The following PDZD2 variants were observed in gnomAD, a reference collection of about 807,000 sequenced individuals.
The protein encoded by PDZD2 is PDZ domain containing 2, also known as PDZ domain-containing protein 2.
PDZD2 carries 90 observed loss-of-function variants against 220.7 expected under a neutral mutation model. The ratio of observed to expected loss-of-function variants is 0.41; its 90% confidence interval spans 0.34 to 0.49. The LOEUF (loss-of-function observed/expected upper bound fraction) is 0.49, where lower values mean the gene tolerates loss of function less well. PDZD2 is among the 20% of genes least tolerant of loss of function. The pLI, the probability that PDZD2 is intolerant of heterozygous loss-of-function variation, is 0.28. For synonymous variants in PDZD2, 1,375 were observed against 1,450.5 expected, an observed-to-expected ratio of 0.95 and a Z score of 1.18; for missense variants, 3,174 against 3,608.5, an observed-to-expected ratio of 0.88 and a Z score of 3.08.
intron 7 of PDZD2, 145 bp from the exon 8 acceptor site, chr5:32,048,394 T>C: frequency 3.1e-6 from 2 of 654,716 alleles, no homozygotes; most frequent in Non-Finnish European, 5.3e-6. Flanking sequence ...TAGGATGGGC[T>C]AGGCTCTGTG....
intron 2 of PDZD2, among the ~76,000 whole-genome samples, chr5:31,958,547 A>G (rs1170904828): frequency 6.6e-6 from 1 of 151,878 alleles, no homozygotes; most frequent in Non-Finnish European, 1.5e-5. Context: ...GAGCCACCAC[A>G]GCTGGCTTAT....
chr5:31,648,640 C>T (rs1443325281), intron 1 of PDZD2, among the ~76,000 whole-genome samples: 4 of 152,122 alleles, frequency 2.6e-5, no homozygotes, highest in Non-Finnish European at 5.9e-5. Context: ...TCCTTTTCCT[C>T]CGAGCAGCCA....
At chr5:31,783,474 G>A (rs903514130) in intron 1 of PDZD2, among the ~76,000 whole-genome samples, 13 of 152,198 alleles carry the variant, frequency 8.5e-5, no homozygotes. Flanking sequence ...ATTTCAAGTT[G>A]AGAACAAGTC....
intron 1 of PDZD2, among the ~76,000 whole-genome samples, chr5:31,712,285 A>T (rs898755662): frequency 3.9e-5 from 6 of 152,100 alleles, no homozygotes; most frequent in African/African-American, 1.4e-4. Context: ...GAATTTGGGG[A>T]GAATTTGGTG....
rs143526859 is a variant in PDZD2 at position 32,010,354 on chromosome 5, A to G, written c.1279A>G (p.Arg427Gly). The change falls in exon 6 of 25, where the codon AGG becomes GGG. Residue 427 changes from arginine (R) to glycine (G), a missense_variant. Around this residue, in one of 4 missense-constraint regions of PDZD2, gnomAD observed 632 missense variants for 708.1 expected, o/e 0.89. Transcript: ENST00000438447. Reference protein sequence around the residue: ...SKENSAEDLLRLTSKSLPDLT... With the variant: ...SKENSAEDLLGLTSKSLPDLT... ...GGAAAACTCCGCAGAGGACCTCCTC[A>G]GGTTAACATCTAAGAGCTTGCCAGA... 5.0e-6 allele frequency: 8 copies of G among 1,606,978 alleles called. No homozygotes were observed. Among genetic ancestry groups the G allele is most frequent in the Middle Eastern group, 1.7e-4 (1 of 6,058 alleles).
In PDZD2 at chr5:32,074,555, A is replaced by G. The variant is rs778965353; in HGVS notation, c.3449A>G (p.Asn1150Ser). 1.2e-6 allele frequency: 2 copies of G among 1,614,044 alleles called. No homozygotes were observed. The highest frequency in any genetic ancestry group is 1.1e-5 in the South Asian group (1 of 91,080). Reference protein sequence around the residue: ...SQTVNLTGRANDPCDLDSRVQ... With the variant: ...SQTVNLTGRASDPCDLDSRVQ... The stretch of plus-strand genomic sequence containing the variant: ...ACAGTGAACCTGACTGGCAGAGCCA[A>G]TGATCCATGCGATCTGGACTCGAGA... Residue 1150 changes from asparagine (N) to serine (S), a missense_variant, in exon 18 of 25, where the codon AAT becomes AGT. Around this residue, in one of 4 missense-constraint regions of PDZD2, gnomAD observed 1,861 missense variants for 2,001.0 expected, o/e 0.93. Coordinates refer to ENST00000438447, the MANE Select transcript of PDZD2 (RefSeq NM_178140.4).
chr5:31,949,255 G>A (rs1193962770), intron 2 of PDZD2, among the ~76,000 whole-genome samples: 2 of 151,874 alleles, frequency 1.3e-5, no homozygotes, highest in Non-Finnish European at 1.5e-5. Context: ...ACCAACGTTA[G>A]GAAGTATGCA....
At position 32,088,581 on chromosome 5, in the gene PDZD2, G is replaced by A. The variant is rs1433787534; in HGVS notation, c.5133G>A (p.Leu1711=). ...SASSAMENSP[L]SKVARHFHSP... is the part of the protein sequence containing the mutation. ...GCTCAGCCATGGAAAACAGTCCGCT[G>A]TCTAAAGTAGCCAGGCATTTTCACA... Residue 1711 remains leucine, a synonymous_variant, in exon 20 of 25, where the codon CTG becomes CTA. Transcript: ENST00000438447. This position sits in a 1 kb window ranked among gnomAD's most constrained non-coding sequence, Gnocchi z 4.6. The A allele has an allele frequency of 1.2e-6, 2 of 1,614,174 alleles. No individual in the cohort carries two copies. The highest frequency in any genetic ancestry group is 2.2e-5 in the South Asian group (2 of 91,078).
chr5:31,776,342 C>CTGAG (rs1752642918), intron 1 of PDZD2, among the ~76,000 whole-genome samples: 1 of 152,144 alleles, frequency 6.6e-6, no homozygotes, highest in East Asian at 1.9e-4. Flanking sequence ...TGGATCCCAT[C>CTGAG]TGAGCTATGA....
chr5:31,820,156 T>A (rs1310226043), intron 2 of PDZD2, among the ~76,000 whole-genome samples: 2 of 152,226 alleles, frequency 1.3e-5, no homozygotes, highest in Non-Finnish European at 2.9e-5. Flanking sequence ...ATACTTGATA[T>A]GACTGGATGT....
chr5:31,907,783 G>A (rs1742789022), intron 2 of PDZD2, among the ~76,000 whole-genome samples: 1 of 152,094 alleles, frequency 6.6e-6, no homozygotes, highest in African/African-American at 2.4e-5. Flanking sequence ...TTAAATGAAG[G>A]CATAAGAAAA....
intron 1 of PDZD2, among the ~76,000 whole-genome samples, chr5:31,687,890 G>A (rs749650284): frequency 3.9e-5 from 6 of 152,042 alleles, no homozygotes; most frequent in Non-Finnish European, 8.8e-5. Context: ...CCTTCTTCTT[G>A]TCCCTGCCTC....
Position 32,089,566 on chromosome 5 carries a change from G to T in PDZD2, c.6118G>T (p.Ala2040Ser), listed in dbSNP as rs1180601395. ...TGACTCCGGGCCGGTGAGTCCGGCA[G>T]CGTCTAGGAACGGCATGTCCGTGGC... ...RADSGPVSPA[A>S]SRNGMSVAGN... Residue 2040 changes from alanine to serine, a missense_variant, in exon 20 of 25, where the codon GCG (alanine) becomes TCG (serine). Physicochemically the swap from Ala to Ser is moderately conservative, Grantham distance 99. Coordinates refer to ENST00000438447, the MANE Select transcript of PDZD2 (RefSeq NM_178140.4). 1 of 1,612,302 alleles carries T rather than the reference G, an allele frequency of 6.2e-7. No individual in the cohort carries two copies. The highest frequency in any genetic ancestry group is 8.5e-7 in the Non-Finnish European group (1 of 1,180,040).
chr5:31,681,280 CTTG>C (rs1336767940), intron 1 of PDZD2, among the ~76,000 whole-genome samples: 1 of 152,192 alleles, frequency 6.6e-6, no homozygotes, highest in East Asian at 1.9e-4. Context: ...AGAGTCTCAC[CTTG>C]TTGTCCTGGC....
chr5:32,014,214 C>G (rs1753550959), intron 6 of PDZD2, among the ~76,000 whole-genome samples: 1 of 152,216 alleles, frequency 6.6e-6, no homozygotes. Context: ...CCGCCAAATT[C>G]TAGCCAGACA....
At chr5:32,014,892 A>G (rs1470890860) in intron 6 of PDZD2, among the ~76,000 whole-genome samples, 3 of 147,182 alleles carry the variant, frequency 2.0e-5, no homozygotes, top group African/African-American at 7.6e-5. Flanking sequence ...TATTTTTAGT[A>G]GAGAACGGGG....
At chr5:31,837,001 G>A (rs1334041849) in intron 2 of PDZD2, among the ~76,000 whole-genome samples, 2 of 149,614 alleles carry the variant, frequency 1.3e-5, no homozygotes, top group African/African-American at 5.0e-5. Flanking sequence ...CTGGGCAACT[G>A]AGCGAGACTG....
At chr5:31,751,721 GC>G (rs769628382) in intron 1 of PDZD2, among the ~76,000 whole-genome samples, 9 of 152,128 alleles carry the variant, frequency 5.9e-5, no homozygotes, top group Non-Finnish European at 1.2e-4. Flanking sequence ...CACTGAGCCT[GC>G]CCCCCAGTTC....
At chr5:31,884,259 A>ACATACATACATCCATC (rs923352259) in intron 2 of PDZD2, among the ~76,000 whole-genome samples, 3 of 151,680 alleles carry the variant, frequency 2.0e-5, no homozygotes, top group African/African-American at 4.8e-5. Flanking sequence ...ATACATACAT[A>ACATACATACATCCATC]CATCCTGGGT....
Sources: gnomAD v4.1 joint callset for allele counts (sites outside exome capture counted in the v4.1 genomes callset) on GRCh38, gnomAD v4.1.1 for gene constraint, gnomAD v4.1.1 regional missense constraint, Gnocchi (gnomAD v3.1) non-coding constraint, MANE v1.5 for transcripts, NCBI Gene and HGNC (gene_info 2026-07-23, HGNC 2026-07-21) for gene names.